RALGPS1: variants seen among roughly 807,000 people sequenced by gnomAD.
RALGPS1 encodes the protein ras-specific guanine nucleotide-releasing factor RalGPS1.
In RALGPS1, 19 loss-of-function variants were observed where a neutral mutation model predicts 78.8. The ratio of observed to expected loss-of-function variants is 0.24; its 90% CI spans 0.17 to 0.35. The LOEUF is 0.35. Ranked by LOEUF, RALGPS1 falls within the 10% of genes least tolerant of loss-of-function variation. The probability of loss-of-function intolerance (pLI) is 1.00; values close to 1 mark genes in which losing one functional copy is unlikely to be tolerated. For synonymous variants in RALGPS1, 228 were observed against 256.3 expected, an observed-to-expected ratio of 0.89 and a Z score of 1.06; for missense variants, 454 against 688.3, an observed-to-expected ratio of 0.66 and a Z score of 3.81.
intron 8 of RALGPS1, among the ~76,000 whole-genome samples, chr9:127,092,111 T>G (rs547671833): frequency 6.6e-6 from 1 of 152,264 alleles, no homozygotes; most frequent in Non-Finnish European, 1.5e-5. Context: ...GACTCACACA[T>G]TATTCAAAAA....
intron 1 of RALGPS1, among the ~76,000 whole-genome samples, chr9:126,935,083 C>G (rs926238934): frequency 6.6e-6 from 1 of 152,242 alleles, no homozygotes; most frequent in African/African-American, 2.4e-5. Context: ...GGCACCTCTT[C>G]TAAGAATGCT....
intron 3 of RALGPS1, among the ~76,000 whole-genome samples, chr9:126,976,420 TCACACACA>T (rs5900740): frequency 4.7e-5 from 7 of 150,030 alleles, no homozygotes; most frequent in South Asian, 4.2e-4. Flanking sequence ...CACCATATAC[TCACACACA>T]CACACACACA....
intron 8 of RALGPS1, chr9:127,088,811 C>T: frequency 1.8e-6 from 2 of 1,112,446 alleles, no homozygotes; most frequent in Non-Finnish European, 2.6e-6. Context: ...CTTCGGAAAA[C>T]AGAATCCAGC....
intron 4 of RALGPS1, among the ~76,000 whole-genome samples, chr9:126,997,005 A>C: frequency 6.6e-6 from 1 of 151,660 alleles, no homozygotes; most frequent in East Asian, 1.9e-4. Context: ...AAAACTCTCA[A>C]TAAATTAGAT....
chr9:126,955,680 T>A (rs868590277), intron 1 of RALGPS1, among the ~76,000 whole-genome samples: 21 of 152,352 alleles, frequency 1.4e-4, no homozygotes, highest in African/African-American at 4.8e-4. Flanking sequence ...AAAACATTTC[T>A]ATGAGAAGGA....
intron 4 of RALGPS1, among the ~76,000 whole-genome samples, chr9:127,004,866 GAGA>G (rs981694558): frequency 7.2e-5 from 11 of 152,206 alleles, no homozygotes; most frequent in Non-Finnish European, 1.3e-4. Context: ...CCTTATTTAT[GAGA>G]AGAAGGCTTG....
At position 126,932,283 on chromosome 9, in the gene RALGPS1, G is replaced by C. The variant is rs549066446; in HGVS notation, c.-66+17308G>C. Among the ~76,000 whole-genome samples the C allele has an allele frequency of 2.0e-5, 3 of 152,306 alleles. No homozygotes were observed. In the East Asian group the frequency reaches 5.8e-4, roughly 29 times the overall value. ...TTGTGGAGCGATCAGCTTTCATACT[G>C]CTGGTGGGAGAATAAATCGGTCTAT... On this transcript the variant is annotated intron_variant, in intron 1 of 18. Coordinates refer to ENST00000259351, the MANE Select transcript of RALGPS1 (RefSeq NM_014636.3).
chr9:127,046,714 C>CCTGTAGTT (rs1008719882), intron 5 of RALGPS1, among the ~76,000 whole-genome samples: 2 of 148,522 alleles, frequency 1.3e-5, no homozygotes, highest in African/African-American at 5.0e-5. Context: ...GTGATGCATG[C>CCTGTAGTT]CTGTAGTTTC....
At chr9:126,955,383 C>CA (rs1284649273) in intron 1 of RALGPS1, among the ~76,000 whole-genome samples, 2 of 152,130 alleles carry the variant, frequency 1.3e-5, no homozygotes, top group African/African-American at 4.8e-5. Context: ...TTAATATAGA[C>CA]AGTGAACCAC....
At chr9:127,007,279 TA>T (rs2043923009) in intron 4 of RALGPS1, among the ~76,000 whole-genome samples, 2 of 152,242 alleles carry the variant, frequency 1.3e-5, no homozygotes, top group South Asian at 4.1e-4. Flanking sequence ...TGCTTCCAGC[TA>T]GTTGATACAG....
chr9:127,184,137 G>A, intron 11 of RALGPS1: 1 of 1,258,060 alleles, frequency 7.9e-7, no homozygotes, highest in South Asian at 1.3e-5. Context: ...ACCAGCCTGG[G>A]CAACATGGCA....
At chr9:126,931,674 TA>T (rs1303164723) in intron 1 of RALGPS1, among the ~76,000 whole-genome samples, 1 of 152,172 alleles carries the variant, frequency 6.6e-6, no homozygotes, top group Non-Finnish European at 1.5e-5. Flanking sequence ...TGTAGGGTGA[TA>T]AAATGTTCTG....
chr9:127,173,488 G>A (rs1001065110), intron 10 of RALGPS1, among the ~76,000 whole-genome samples: 2 of 152,146 alleles, frequency 1.3e-5, no homozygotes, highest in Non-Finnish European at 2.9e-5. Context: ...CCCTTCCCTT[G>A]TTTAGTTGCA....
At chr9:126,923,774 A>G (rs1297122987) in intron 1 of RALGPS1, among the ~76,000 whole-genome samples, 1 of 152,212 alleles carries the variant, frequency 6.6e-6, no homozygotes, top group African/African-American at 2.4e-5. Context: ...GCCTCAAGCG[A>G]TCCTCCTGCC....
At chr9:127,114,316 A>G (rs916458358) in intron 8 of RALGPS1, among the ~76,000 whole-genome samples, 1 of 152,240 alleles carries the variant, frequency 6.6e-6, no homozygotes, top group Non-Finnish European at 1.5e-5. Context: ...AGTTGAGGAA[A>G]CTATTGAGAT....
chr9:127,168,178 C>T (rs894210294), intron 9 of RALGPS1, among the ~76,000 whole-genome samples: 1 of 152,342 alleles, frequency 6.6e-6, no homozygotes, highest in Non-Finnish European at 1.5e-5. Flanking sequence ...TGCAGCAGCT[C>T]CAGTCATAGG....
chr9:126,961,153 T>C (rs2038868237), intron 1 of RALGPS1, among the ~76,000 whole-genome samples: 1 of 152,146 alleles, frequency 6.6e-6, no homozygotes, highest in Non-Finnish European at 1.5e-5. Context: ...CTTCTAGAGG[T>C]GTGTGCACTT....
At chr9:126,929,048 T>C (rs1253890473) in intron 1 of RALGPS1, among the ~76,000 whole-genome samples, 1 of 152,216 alleles carries the variant, frequency 6.6e-6, no homozygotes, top group Non-Finnish European at 1.5e-5. Context: ...CTTAGCAAAG[T>C]ATCTGTCACA....
intron 5 of RALGPS1, 134 bp from the exon 6 acceptor site, chr9:127,049,909 C>T (rs1488796909): frequency 2.9e-6 from 2 of 685,370 alleles, no homozygotes; most frequent in East Asian, 2.7e-5. Context: ...CATGTGACCC[C>T]AGGCTATCCT....
Sources: allele counts gnomAD v4.1 joint callset (sites outside exome capture counted in the v4.1 genomes callset), GRCh38; gene constraint gnomAD v4.1.1; transcripts MANE v1.5; gene names NCBI Gene and HGNC (gene_info 2026-07-23, HGNC 2026-07-21).